DCLK1: variants seen among roughly 807,000 people sequenced by gnomAD.
DCLK1 encodes the protein doublecortin like kinase 1.
In DCLK1, 16 loss-of-function variants were observed where a neutral mutation model predicts 86.2. The ratio of observed to expected loss-of-function variants is 0.19; its 90% confidence interval spans 0.13 to 0.28. The LOEUF (loss-of-function observed/expected upper bound fraction) is 0.28, where lower values mean the gene tolerates loss of function less well. DCLK1 is among the 10% of genes least tolerant of loss of function. The probability of loss-of-function intolerance (pLI) is 1.00; values close to 1 mark genes in which losing one functional copy is unlikely to be tolerated. For synonymous variants in DCLK1, 369 were observed against 370.5 expected (o/e 1.00, Z 0.05); for missense variants, 590 against 940.2 (o/e 0.63, Z 4.87).
chr13:36,041,816 T>C (rs9546227), intron 3 of DCLK1, among the ~76,000 whole-genome samples: 84,882 of 152,030 alleles, frequency 0.56, 23,968 homozygotes, highest in East Asian at 0.69. Flanking sequence ...ATTTTATACA[T>C]TCTAAATGCT....
At chr13:36,036,993 A>G (rs895093250) in intron 3 of DCLK1, among the ~76,000 whole-genome samples, 1 of 152,294 alleles carries the variant, frequency 6.6e-6, no homozygotes, top group Non-Finnish European at 1.5e-5. Context: ...GTTTCTATCA[A>G]TGGATGAATG....
At chr13:36,027,287 T>C (rs947401699) in intron 3 of DCLK1, among the ~76,000 whole-genome samples, 2 of 152,174 alleles carry the variant, frequency 1.3e-5, no homozygotes, top group African/African-American at 4.8e-5. Context: ...CACATGTGCA[T>C]TTCACAATAG....
chr13:35,829,105 A>G (rs1321379913), intron 8 of DCLK1, among the ~76,000 whole-genome samples: 4 of 152,178 alleles, frequency 2.6e-5, no homozygotes, highest in Non-Finnish European at 4.4e-5. Flanking sequence ...CCAAAGCCAC[A>G]TGGCAGCTTT....
chr13:35,893,957 T>A (rs1287443852), intron 4 of DCLK1, among the ~76,000 whole-genome samples: 1 of 152,220 alleles, frequency 6.6e-6, no homozygotes, highest in East Asian at 1.9e-4. Flanking sequence ...CTTTGCTTTC[T>A]GATGGTACAA....
At position 36,098,085 on chromosome 13, in the gene DCLK1, T is replaced by C. The variant is rs114541874; in HGVS notation, c.723+13784A>G. Among the ~76,000 whole-genome samples, 994 of 152,282 alleles carry C rather than the reference T, an allele frequency of 6.5e-3. 13 individuals carry two copies. The highest frequency in any genetic ancestry group is 0.023 in the African/African-American group (949 of 41,554). ...TCGAAATTTTAGTTAGTGCCTGGCA[T>C]ACGGTAAACATTCAAGAAACACTAG... On this transcript the variant is annotated intron_variant, in intron 3 of 16. Transcript: ENST00000360631.
At chr13:36,071,686 A>C (rs1336136965) in intron 3 of DCLK1, among the ~76,000 whole-genome samples, 1 of 152,214 alleles carries the variant, frequency 6.6e-6, no homozygotes, top group Non-Finnish European at 1.5e-5. Context: ...TAAATTTTAC[A>C]AATTAGGCAA....
intron 3 of DCLK1, among the ~76,000 whole-genome samples, chr13:36,019,649 G>T (rs928298841): frequency 6.6e-6 from 1 of 152,146 alleles, no homozygotes; most frequent in South Asian, 2.1e-4. Context: ...TTCATGTATA[G>T]ATTAGAGGTG....
chr13:35,827,565 G>T, intron 10 of DCLK1, 70 bp downstream of exon 10: 1 of 1,570,372 alleles, frequency 6.4e-7, no homozygotes, highest in Non-Finnish European at 8.7e-7. Context: ...GAAAATAAGG[G>T]AAAGAGCTCT....
intron 6 of DCLK1, chr13:35,847,073 A>G: frequency 1.0e-6 from 1 of 984,870 alleles, no homozygotes; most frequent in Non-Finnish European, 1.2e-6. Flanking sequence ...CAAGCCATCC[A>G]TACACACACA....
At position 35,888,486 on chromosome 13, in the gene DCLK1, AG is replaced by A. The variant is rs375310897; in HGVS notation, c.824-17147del. Among the ~76,000 whole-genome samples the A allele has an allele frequency of 2.7e-4, 41 of 152,288 alleles. No homozygotes were observed. The East Asian group carries it at 7.5e-3, about 28-fold the overall frequency. The stretch of plus-strand genomic sequence containing the variant: ...CTATTTGAAGATCACCTTTACAACA[AG>A]GGGTCAAATGTGGCTTGAAATGAAT... On this transcript the variant is annotated intron_variant, in intron 4 of 16. Transcript: ENST00000360631.
chr13:36,077,526 G>A lies in DCLK1; in HGVS notation c.723+34343C>T, dbSNP rs80076974. 3.7e-4 allele frequency among the ~76,000 whole-genome samples: 57 copies of A among 152,190 alleles called. 1 individual carries two copies. The East Asian group carries it at 0.01, about 27-fold the overall frequency. ...GATGAATAGACAGTCCTTGTTCTCA[G>A]GCAGCCAGAAGTCTATTAGCACTAA... On this transcript the variant is annotated intron_variant, in intron 3 of 16. Transcript: ENST00000360631.
intron 4 of DCLK1, among the ~76,000 whole-genome samples, chr13:35,873,605 C>T (rs947185022): frequency 1.3e-5 from 2 of 152,066 alleles, no homozygotes; most frequent in African/African-American, 4.8e-5. Context: ...AGGCTGGTTT[C>T]AAACTCCTGA....
chr13:35,958,259 TAC>T (rs1566620975), intron 3 of DCLK1, among the ~76,000 whole-genome samples: 488 of 22,346 alleles, frequency 0.022, 51 homozygotes, highest in African/African-American at 0.1. Flanking sequence ...CCACTACCAC[TAC>T]TATAACCATT....
intron 6 of DCLK1, chr13:35,846,188 A>T (rs1227508315): frequency 2.0e-6 from 2 of 985,386 alleles, no homozygotes; most frequent in Non-Finnish European, 1.2e-6. Flanking sequence ...ATACACATCC[A>T]ATCAACTGAA....
At chr13:35,913,402 A>T (rs55662775) in intron 4 of DCLK1, among the ~76,000 whole-genome samples, 14 of 152,078 alleles carry the variant, frequency 9.2e-5, no homozygotes, top group Non-Finnish European at 1.6e-4. Context: ...CTTCTTAATG[A>T]ATACTTTCCT....
chr13:35,872,905 T>A (rs907928204), intron 4 of DCLK1, among the ~76,000 whole-genome samples: 3 of 152,188 alleles, frequency 2.0e-5, no homozygotes, highest in Non-Finnish European at 4.4e-5. Flanking sequence ...ACATTTTCCA[T>A]ACTTATATAT....
intron 3 of DCLK1, among the ~76,000 whole-genome samples, chr13:36,026,486 A>G (rs1269640979): frequency 6.6e-6 from 1 of 152,222 alleles, no homozygotes; most frequent in Non-Finnish European, 1.5e-5. Flanking sequence ...GCAGATCCAT[A>G]CTACATCTAA....
rs151217236 is a variant in DCLK1 at position 36,075,122 on chromosome 13, G to A, written c.723+36747C>T. On this transcript the variant is annotated intron_variant, in intron 3 of 16. Coordinates refer to ENST00000360631, the MANE Select transcript of DCLK1 (RefSeq NM_001330071.2). ...AGCAGGATGGCAAATACATTTTTAG[G>A]ATTCAAATGAGGGATAGCATCAAAA... Among the ~76,000 whole-genome samples, 49 of 152,268 alleles carry A rather than the reference G, an allele frequency of 3.2e-4. No homozygotes were observed. The East Asian group carries it at 6.8e-3, about 21-fold the overall frequency.
intron 3 of DCLK1, among the ~76,000 whole-genome samples, chr13:36,079,784 G>A (rs1349090754): frequency 6.6e-6 from 1 of 152,134 alleles, no homozygotes; most frequent in Non-Finnish European, 1.5e-5. Context: ...TCCATCAATA[G>A]CGGAAGATAT....
Sources: gnomAD v4.1 joint callset for allele counts (sites outside exome capture counted in the v4.1 genomes callset) on GRCh38, gnomAD v4.1.1 for gene constraint, MANE v1.5 for transcripts, NCBI Gene and HGNC (gene_info 2026-07-23, HGNC 2026-07-21) for gene names.